The following USH2A variants were observed in gnomAD, a reference collection of about 807,000 sequenced individuals.
The protein encoded by USH2A is usherin, also known as Usher syndrome 2A (autosomal recessive, mild).
In USH2A, 443 loss-of-function variants were observed where a neutral mutation model predicts 538.9. The observed-to-expected ratio is 0.82, with a 90% CI of 0.76 to 0.89. USH2A has a LOEUF of 0.89. Ranked by LOEUF, USH2A falls within the 40% of genes least tolerant of loss-of-function variation. The probability of loss-of-function intolerance (pLI) is 0.00; values close to 1 mark genes in which losing one functional copy is unlikely to be tolerated. For missense variants in USH2A, 6,633 were observed against 6,324.8 expected (o/e 1.05, Z -1.65); for synonymous variants, 2,413 against 2,273.5 (o/e 1.06, Z -1.75).
At chr1:216,366,925 A>G (rs1028731715) in intron 3 of USH2A, among the ~76,000 whole-genome samples, 1 of 152,148 alleles carries the variant, frequency 6.6e-6, no homozygotes, top group Non-Finnish European at 1.5e-5. Flanking sequence ...TTATCATTAT[A>G]AAAGATACAG....
chr1:216,338,009 TAAA>T (rs2038005921), intron 4 of USH2A, among the ~76,000 whole-genome samples: 1 of 151,098 alleles, frequency 6.6e-6, no homozygotes, highest in Admixed American at 6.6e-5. Flanking sequence ...CTAAAAGACA[TAAA>T]AGAAGATCTA....
At chr1:216,121,252 A>G (rs2102594634) in intron 21 of USH2A, among the ~76,000 whole-genome samples, 1 of 152,316 alleles carries the variant, frequency 6.6e-6, no homozygotes, top group Middle Eastern at 3.4e-3. Context: ...CTAAAAGGTT[A>G]ACTATGTTAA....
At chr1:215,660,180 T>A (rs1383262070) in intron 64 of USH2A, among the ~76,000 whole-genome samples, 1 of 152,202 alleles carries the variant, frequency 6.6e-6, no homozygotes, top group Non-Finnish European at 1.5e-5. Flanking sequence ...CAACTCTATA[T>A]CCTTGGGCAT....
intron 41 of USH2A, among the ~76,000 whole-genome samples, chr1:215,881,052 G>A (rs888182026): frequency 7.2e-5 from 11 of 152,180 alleles, no homozygotes; most frequent in African/African-American, 2.7e-4. Context: ...GCTGCACTGA[G>A]CAGAGATTGC....
intron 35 of USH2A, among the ~76,000 whole-genome samples, chr1:215,973,563 T>C (rs1373023478): frequency 6.6e-6 from 1 of 152,102 alleles, no homozygotes; most frequent in East Asian, 1.9e-4. Flanking sequence ...CATCACTCAG[T>C]GACTGCACCT....
intron 42 of USH2A, among the ~76,000 whole-genome samples, chr1:215,878,368 A>G (rs1664827311): frequency 6.6e-6 from 1 of 152,172 alleles, no homozygotes; most frequent in African/African-American, 2.4e-5. Flanking sequence ...ACTCCTCACA[A>G]GTTTCCATAA....
At chr1:215,900,709 A>G (rs762896761) in intron 39 of USH2A, 46 bp downstream of exon 39, 5 of 1,612,598 alleles carry the variant, frequency 3.1e-6, no homozygotes, top group Admixed American at 1.7e-5. Context: ...TGTTATGTCT[A>G]TATTGTATAA....
In USH2A at chr1:215,680,403, GTTGTT is replaced by G. The variant is rs752117956; in HGVS notation, c.12067-32_12067-28del. 8 of 1,478,842 alleles carry G rather than the reference GTTGTT, an allele frequency of 5.4e-6. No homozygotes were observed. The African/African-American group carries it at 1.6e-4, about 29-fold the overall frequency. 91.6% of individuals were successfully genotyped at this position (1,478,842 alleles called of 1,614,324 possible). ...TGTAAGAAAATTAACAGGTTAAGTT[GTTGTT>G]TTTTTTTTTTGAAACTGACAATATT... On this transcript the variant is annotated intron_variant, in intron 61 of 71. Transcript: ENST00000307340.
chr1:216,214,257 G>T (rs1170609895), intron 15 of USH2A, among the ~76,000 whole-genome samples: 1 of 151,982 alleles, frequency 6.6e-6, no homozygotes, highest in Non-Finnish European at 1.5e-5. Flanking sequence ...GTTCATGGAT[G>T]CATTATTCAT....
chr1:215,631,579 A>G (rs1656284530), intron 70 of USH2A, among the ~76,000 whole-genome samples: 7 of 152,232 alleles, frequency 4.6e-5, no homozygotes, highest in Admixed American at 4.6e-4. Flanking sequence ...GGATTAAATT[A>G]TGATTCAACA....
At position 215,743,341 on chromosome 1, in the gene USH2A, A is replaced by AAGAG. The variant is rs140003076; in HGVS notation, c.11390-10_11390-7dup. ...AATTTCGGGGATGAGGATCCCTTTA[A>AAGAG]AGAGAGAGAGAGAGAGAGAACATTA... On this transcript the variant is annotated splice_polypyrimidine_tract_variant and splice_region_variant and intron_variant, in intron 58 of 71. Coordinates refer to ENST00000307340, the MANE Select transcript of USH2A (RefSeq NM_206933.4). 1.6e-5 allele frequency: 23 copies of AAGAG among 1,462,082 alleles called. No individual in the cohort carries two copies. Among genetic ancestry groups the AAGAG allele is most frequent in the African/African-American group, 1.0e-4 (7 of 68,626 alleles). The allele number at this position is 1,462,082 out of a possible 1,614,324, so 90.6% of individuals were successfully genotyped here. A position where few individuals can be genotyped will look rare whatever the true frequency, so the allele number is the denominator to read the frequency against.
chr1:216,176,491 C>T (rs903493098), intron 20 of USH2A, among the ~76,000 whole-genome samples: 1 of 152,146 alleles, frequency 6.6e-6, no homozygotes, highest in African/African-American at 2.4e-5. Flanking sequence ...TGCACAGTCT[C>T]TTCCAATATC....
chr1:215,904,175 A>G (rs1665573750), intron 38 of USH2A, among the ~76,000 whole-genome samples: 3 of 152,018 alleles, frequency 2.0e-5, no homozygotes, highest in Non-Finnish European at 2.9e-5. Context: ...TGAAAATCCA[A>G]ATTCTGAATT....
intron 52 of USH2A, among the ~76,000 whole-genome samples, chr1:215,785,932 TACACACACACACACACAC>T (rs10638003): frequency 1.4e-5 from 2 of 146,396 alleles, no homozygotes; most frequent in African/African-American, 5.1e-5. Context: ...TGATAGATGA[TACACACACACACACACAC>T]ACACACACAC....
At chr1:215,778,555 G>A (rs559280032) in intron 55 of USH2A, among the ~76,000 whole-genome samples, 3 of 152,180 alleles carry the variant, frequency 2.0e-5, no homozygotes, top group Non-Finnish European at 4.4e-5. Context: ...GCCACCCTGT[G>A]TAAGTGTAAC....
chr1:215,644,133 A>T (rs943443911), intron 67 of USH2A, among the ~76,000 whole-genome samples: 5 of 152,248 alleles, frequency 3.3e-5, no homozygotes, highest in African/African-American at 9.6e-5. Context: ...AACAATAAAC[A>T]TGCAGTGTTA....
Position 215,671,052 on chromosome 1 carries a change from T to G in USH2A, c.14053A>C (p.Asn4685His). The part of the protein sequence containing the change: ...RQIATQPRKS[N>H]PVLIYNGSST... ...CTTCCGTTATAGATTAGGACTGGAT[T>G]GGATTTTCTAGGCTGAGTTGCTATT... Residue 4685 changes from asparagine to histidine, a missense_variant, in exon 64 of 72, where the codon AAT becomes CAT. Asn to His is a moderately conservative substitution (Grantham distance 68). Coordinates refer to ENST00000307340, the MANE Select transcript of USH2A (RefSeq NM_206933.4). 1 of 1,614,162 alleles carries G rather than the reference T, an allele frequency of 6.2e-7. No homozygotes were observed. The highest frequency in any genetic ancestry group is 2.2e-5 in the East Asian group (1 of 44,868).
At chr1:215,737,500 T>C (rs1660188543) in intron 60 of USH2A, among the ~76,000 whole-genome samples, 1 of 151,968 alleles carries the variant, frequency 6.6e-6, no homozygotes, top group Non-Finnish European at 1.5e-5. Flanking sequence ...CTAAATTTTC[T>C]GGTAAATATT....
chr1:215,950,926 A>G (rs654195), intron 37 of USH2A, among the ~76,000 whole-genome samples: 36,841 of 152,092 alleles, frequency 0.24, 4,977 homozygotes, highest in Non-Finnish European at 0.31. Flanking sequence ...TATTGCGTCT[A>G]TTTGATTCTT....
Sources: allele counts gnomAD v4.1 joint callset (sites outside exome capture counted in the v4.1 genomes callset), GRCh38; gene constraint gnomAD v4.1.1; transcripts MANE v1.5; gene names NCBI Gene and HGNC (gene_info 2026-07-23, HGNC 2026-07-21).